Variants in DMPK observed in about 807,000 individuals in gnomAD.
DMPK encodes DM1 protein kinase.
Under a neutral mutation model 70.3 loss-of-function variants are expected in DMPK, and 32 were observed. The observed-to-expected ratio is 0.46, with a 90% CI of 0.34 to 0.61. The LOEUF (loss-of-function observed/expected upper bound fraction) is 0.61. DMPK is among the 20% of genes least tolerant of loss of function. The pLI, the probability that DMPK is intolerant of heterozygous loss-of-function variation, is 0.01. For synonymous variants in DMPK, 469 were observed against 390.9 expected, an observed-to-expected ratio of 1.20 and a Z score of -2.36; for missense variants, 899 against 886.0, an observed-to-expected ratio of 1.01 and a Z score of -0.19.
At chr19:45,779,718 C>T in intron 2 of DMPK, 60 bp downstream of exon 2, 1 of 1,534,738 alleles carries the variant, frequency 6.5e-7, no homozygotes, top group Non-Finnish European at 8.7e-7. Flanking sequence ...AAGGCCCCGC[C>T]CCAACCCCTA....
Position 45,772,626 on chromosome 19 carries a change from C to A in DMPK, c.1344+15G>T. On this transcript the variant is annotated intron_variant, in intron 10 of 14. Coordinates refer to ENST00000291270, the MANE Select transcript of DMPK (RefSeq NM_004409.5). Reference sequence around the variant, plus strand: ...CAATTGTCCCTGACGGACCCCCTCCCCTCCACCAACTTACTGTTTCATCCT... The same window carrying A: ...CAATTGTCCCTGACGGACCCCCTCCACTCCACCAACTTACTGTTTCATCCT... The A allele has an allele frequency of 6.5e-7, 1 of 1,528,260 alleles. No homozygotes were observed. The allele number at this position is 1,528,260 out of a possible 1,614,324, so 94.7% of individuals were successfully genotyped here. A position where few individuals can be genotyped will look rare whatever the true frequency, so the allele number is the denominator to read the frequency against.
chr19:45,772,289 G>A (rs1969505547), intron 10 of DMPK: 1 of 360,328 alleles, frequency 2.8e-6, no homozygotes, highest in African/African-American at 2.1e-5. Flanking sequence ...GAATGATTCA[G>A]CCAAACTACC....
At position 45,776,159 on chromosome 19, in the gene DMPK, T is replaced by TC. The variant is rs1188550899; in HGVS notation, c.1147-1126dup. Among the ~76,000 whole-genome samples the TC allele has an allele frequency of 1.4e-4, 11 of 77,118 alleles. 3 individuals carry two copies. Among genetic ancestry groups the TC allele is most frequent in the Admixed American group, 5.2e-4 (3 of 5,798 alleles). 50.6% of individuals were successfully genotyped at this position (77,118 alleles called of 152,430 possible). A position where few individuals can be genotyped will look rare whatever the true frequency, so the allele number is the denominator to read the frequency against. On this transcript the variant is annotated intron_variant, in intron 8 of 14. Transcript: ENST00000291270. ...ATTTTTTTTTTTTTTTTTTTTTTTT[T>TC]CTGAGACAGAGTCTCGCTCTGTCGC...
intron 10 of DMPK, 65 bp downstream of exon 10, chr19:45,772,576 C>A (rs1052811026): frequency 1.8e-6 from 2 of 1,088,290 alleles, no homozygotes; most frequent in African/African-American, 1.7e-5. Context: ...GCACGCCACC[C>A]GGGAAGCCCT....
At chr19:45,779,005 G>A (rs1045961663) in intron 4 of DMPK, 2 of 586,634 alleles carry the variant, frequency 3.4e-6, no homozygotes, top group Non-Finnish European at 3.0e-6. Flanking sequence ...CCCATTCCAG[G>A]TAAGAGACCC....
chr19:45,770,430 C>G lies in DMPK; in HGVS notation c.*58G>C. The stretch of plus-strand genomic sequence containing the variant: ...CAGGCGGTGGGCGCGGCTTCTGTGC[C>G]GTGCCCCGGGCACTCAGTCTTCCAA... On this transcript the variant is annotated 3_prime_UTR_variant, in exon 15 of 15. Transcript: ENST00000291270. The G allele has an allele frequency of 1.3e-6, 2 of 1,541,428 alleles. No homozygotes were observed. Among genetic ancestry groups the G allele is most frequent in the Non-Finnish European group, 1.8e-6 (2 of 1,140,616 alleles).
At position 45,770,357 on chromosome 19, in the gene DMPK, A is replaced by G; in HGVS notation, c.*131T>C. The G allele has an allele frequency of 7.9e-7, 1 of 1,273,048 alleles. No homozygotes were observed. The highest frequency in any genetic ancestry group is 1.1e-6 in the Non-Finnish European group (1 of 901,310). 78.9% of individuals were successfully genotyped at this position (1,273,048 alleles called of 1,614,324 possible). On this transcript the variant is annotated 3_prime_UTR_variant, in exon 15 of 15. Coordinates refer to ENST00000291270, the MANE Select transcript of DMPK (RefSeq NM_004409.5). ...CCGCTAGGGGGCGGGCCCGGATCACAGGACTGGAGCTGGGCGGAGACCCAC... is the reference window on the plus strand; with the variant it reads ...CCGCTAGGGGGCGGGCCCGGATCACGGGACTGGAGCTGGGCGGAGACCCAC...
At chr19:45,776,778 T>A (rs1341149718) in intron 8 of DMPK, 1 of 153,032 alleles carries the variant, frequency 6.5e-6, no homozygotes, top group African/African-American at 2.4e-5. Context: ...TTTTCTTGTA[T>A]CCTGTTGCTT....
At chr19:45,772,081 C>A (rs1009864763) in intron 10 of DMPK, among the ~76,000 whole-genome samples, 153 bp from the exon 11 acceptor site, 3 of 152,134 alleles carry the variant, frequency 2.0e-5, no homozygotes. Flanking sequence ...TGATCCAAGC[C>A]CCCTCCCTTC....
chr19:45,780,138 G>A, intron 1 of DMPK: 1 of 1,439,310 alleles, frequency 6.9e-7, no homozygotes, highest in South Asian at 1.5e-5. Context: ...GGATGGTTAG[G>A]GTGGGGTAAC....
chr19:45,781,108 G>C (rs542860247), intron 1 of DMPK, among the ~76,000 whole-genome samples: 88 of 152,308 alleles, frequency 5.8e-4, no homozygotes, highest in African/African-American at 2.0e-3. Context: ...GGGAGGAGGA[G>C]GGAAAGGAAC....
At position 45,770,504 on chromosome 19, in the gene DMPK, G is replaced by A. The variant is rs1271871448; in HGVS notation, c.1874C>T (p.Ala625Val). ...TTCTAGGGTTCAGGGAGCGCGGGCG[G>A]CTCCTGGGCGGCGCCAGACTGCGGT... ...QLTAVWRRPG[A>V]ARAP is the part of the protein sequence containing the mutation. The change falls in exon 15 of 15, where the codon GCC becomes GTC. Residue 625 changes from alanine (A) to valine (V), a missense_variant. This residue lies in a region of DMPK where 555 missense variants were observed against 483.8 expected (regional missense o/e 1.15). Transcript: ENST00000291270. 1 of 1,550,430 alleles carries A rather than the reference G, an allele frequency of 6.4e-7. No individual in the cohort carries two copies. The highest frequency in any genetic ancestry group is 2.4e-5 in the East Asian group (1 of 40,914).
intron 4 of DMPK, chr19:45,778,886 CCT>C (rs1328834339): frequency 8.8e-6 from 5 of 571,042 alleles, no homozygotes; most frequent in South Asian, 2.3e-5. Flanking sequence ...ATTCACTCCC[CCT>C]GAGATGTTCT....
intron 1 of DMPK, chr19:45,780,113 C>CT: frequency 6.8e-7 from 1 of 1,462,536 alleles, no homozygotes; most frequent in South Asian, 1.4e-5. Context: ...GCCCAGAGGG[C>CT]TCCAAGGGTG....
At chr19:45,771,309 T>C in intron 13 of DMPK, 41 bp downstream of exon 13, 2 of 1,561,934 alleles carry the variant, frequency 1.3e-6, no homozygotes, top group Non-Finnish European at 1.7e-6. Flanking sequence ...ATCTGCAGAA[T>C]GGGCAGCAGG....
chr19:45,782,071 G>A (rs752246818), intron 1 of DMPK, 122 bp downstream of exon 1: 10 of 907,724 alleles, frequency 1.1e-5, no homozygotes, highest in Non-Finnish European at 1.6e-5. Flanking sequence ...GCCCCAGGAT[G>A]GGAGGATCTC....
At chr19:45,774,556 C>T (rs1470347082) in intron 9 of DMPK, among the ~76,000 whole-genome samples, 2 of 152,190 alleles carry the variant, frequency 1.3e-5, no homozygotes, top group Non-Finnish European at 2.9e-5. Context: ...GCCACCGCGG[C>T]CCGCCTAAAT....
intron 1 of DMPK, among the ~76,000 whole-genome samples, chr19:45,781,836 G>C (rs953323904): frequency 2.0e-5 from 3 of 152,260 alleles, no homozygotes; most frequent in East Asian, 3.9e-4. Flanking sequence ...CCCACTTTTG[G>C]GGGGAGGGTC....
rs755515708 is a variant in DMPK at position 45,771,552 on chromosome 19, C to T, written c.1600+16G>A. The T allele has an allele frequency of 2.2e-5, 35 of 1,613,872 alleles. 1 individual carries two copies. In the South Asian group the frequency reaches 3.4e-4, roughly 16 times the overall value. Reference sequence around the variant, plus strand: ...CCTCCCGGTCCTCCGGGGAAGGGGACACATGAGGGACTCACCTGTGGCTCC... The same window carrying T: ...CCTCCCGGTCCTCCGGGGAAGGGGATACATGAGGGACTCACCTGTGGCTCC... On this transcript the variant is annotated intron_variant, in intron 12 of 14. Transcript: ENST00000291270.
Sources: gnomAD v4.1 joint callset for allele counts (sites outside exome capture counted in the v4.1 genomes callset) on GRCh38, gnomAD v4.1.1 for gene constraint, gnomAD v4.1.1 regional missense constraint, MANE v1.5 for transcripts, NCBI Gene and HGNC (gene_info 2026-07-23, HGNC 2026-07-21) for gene names.